Variants in GRIP1 observed in about 807,000 individuals in gnomAD.
GRIP1 encodes glutamate receptor-interacting protein 1.
Under a neutral mutation model 129.9 loss-of-function variants are expected in GRIP1, and 45 were observed. The ratio of observed to expected loss-of-function variants is 0.35; its 90% CI spans 0.27 to 0.44. The LOEUF is 0.44. Among genes scored for constraint, GRIP1 ranks in the 20% least tolerant of loss-of-function variants. The probability of loss-of-function intolerance (pLI) is 1.00; values close to 1 mark genes in which losing one functional copy is unlikely to be tolerated. For missense variants in GRIP1, 1,196 were observed against 1,396.8 expected (o/e 0.86, Z 2.29); for synonymous variants, 530 against 520.8 (o/e 1.02, Z -0.24).
At chr12:66,479,498 G>A (rs545181449) in intron 7 of GRIP1, among the ~76,000 whole-genome samples, 6 of 152,264 alleles carry the variant, frequency 3.9e-5, no homozygotes, top group African/African-American at 1.2e-4. Context: ...GGTACAAAGA[G>A]GAGCTGGTAC....
At chr12:66,647,251 A>T (rs79377294) in intron 1 of GRIP1, 208 of 152,336 alleles carry the variant, frequency 1.4e-3, no homozygotes, top group African/African-American at 4.7e-3. Flanking sequence ...ACTCATTGGT[A>T]TGTGTGGGGC....
rs192894776 is a variant in GRIP1 at position 66,844,222 on chromosome 12, A to T, written c.58+224828T>A. On this transcript the variant is annotated intron_variant, in intron 1 of 1. Coordinates refer to the GRIP1 transcript ENST00000643019. Reference sequence around the variant, plus strand: ...TCAACATCACTACTTATTACCCAGAATATATAAAGAATCCTACAACTCAAC... The same window carrying T: ...TCAACATCACTACTTATTACCCAGATTATATAAAGAATCCTACAACTCAAC... 3.0e-3 allele frequency among the ~76,000 whole-genome samples: 451 copies of T among 152,198 alleles called. 2 individuals are homozygous for T. The highest frequency in any genetic ancestry group is 6.8e-3 in the Middle Eastern group (2 of 294).
intron 1 of GRIP1, among the ~76,000 whole-genome samples, chr12:67,006,470 G>A (rs1555164265): frequency 6.6e-6 from 1 of 152,134 alleles, no homozygotes; most frequent in Non-Finnish European, 1.5e-5. Flanking sequence ...GTGGTATAAA[G>A]GTGTGTAGGG....
intron 15 of GRIP1, among the ~76,000 whole-genome samples, chr12:66,419,411 A>T (rs2057724213): frequency 1.3e-5 from 2 of 152,260 alleles, no homozygotes; most frequent in South Asian, 4.1e-4. Flanking sequence ...TATGGTCAGT[A>T]GTAATTTAAT....
chr12:66,497,289 G>C (rs1330321238), intron 7 of GRIP1, among the ~76,000 whole-genome samples: 2 of 152,188 alleles, frequency 1.3e-5, no homozygotes, highest in East Asian at 3.9e-4. Context: ...AGTAAAACAG[G>C]GAGACCTAAT....
chr12:66,975,965 T>C (rs548140842), intron 1 of GRIP1, among the ~76,000 whole-genome samples: 1 of 152,262 alleles, frequency 6.6e-6, no homozygotes, highest in Non-Finnish European at 1.5e-5. Context: ...TCATAAAAAT[T>C]TGTTGTGATT....
At chr12:66,578,043 G>A (rs1387639077) in intron 2 of GRIP1, among the ~76,000 whole-genome samples, 4 of 152,166 alleles carry the variant, frequency 2.6e-5, no homozygotes, top group East Asian at 3.9e-4. Flanking sequence ...CTGCAATCCA[G>A]GAAAACAATT....
chr12:66,503,415 T>C (rs2060444333), intron 7 of GRIP1, among the ~76,000 whole-genome samples: 1 of 152,092 alleles, frequency 6.6e-6, no homozygotes, highest in East Asian at 1.9e-4. Flanking sequence ...GGGAAAGAGG[T>C]GCAAGATGCT....
At chr12:66,777,667 G>T (rs2038024523) in intron 1 of GRIP1, among the ~76,000 whole-genome samples, 1 of 152,148 alleles carries the variant, frequency 6.6e-6, no homozygotes, top group South Asian at 2.1e-4. Context: ...ATAAGCATTT[G>T]TTGAATTGAA....
chr12:66,989,935 G>A (rs1235449542), intron 1 of GRIP1, among the ~76,000 whole-genome samples: 3 of 152,176 alleles, frequency 2.0e-5, no homozygotes, highest in African/African-American at 7.2e-5. Flanking sequence ...AAGGAAAAAT[G>A]ATAATATTAC....
At chr12:66,387,443 C>G (rs2056404276) in intron 19 of GRIP1, among the ~76,000 whole-genome samples, 2 of 152,188 alleles carry the variant, frequency 1.3e-5, no homozygotes, top group African/African-American at 4.8e-5. Context: ...GAAACAGAGC[C>G]TCTAGCAGCT....
At chr12:66,555,265 C>T (rs1426943875) in intron 2 of GRIP1, among the ~76,000 whole-genome samples, 6 of 152,150 alleles carry the variant, frequency 3.9e-5, no homozygotes. Context: ...ACCTAGTAAT[C>T]CAGATAATTT....
intron 7 of GRIP1, among the ~76,000 whole-genome samples, chr12:66,475,348 A>G (rs2059572465): frequency 6.6e-6 from 1 of 152,200 alleles, no homozygotes; most frequent in Non-Finnish European, 1.5e-5. Flanking sequence ...AGAGACCTAC[A>G]AAGAGACTTA....
intron 4 of GRIP1, among the ~76,000 whole-genome samples, chr12:66,534,029 G>T (rs1323903800): frequency 6.6e-6 from 1 of 152,122 alleles, no homozygotes; most frequent in African/African-American, 2.4e-5. Context: ...TGGACCTTCA[G>T]GTGTGGATGG....
intron 1 of GRIP1, among the ~76,000 whole-genome samples, chr12:66,801,773 T>C (rs2038864990): frequency 6.6e-6 from 1 of 152,146 alleles, no homozygotes; most frequent in South Asian, 2.1e-4. Flanking sequence ...GTAAACACTC[T>C]AGGGAGAAAA....
intron 1 of GRIP1, among the ~76,000 whole-genome samples, chr12:66,960,277 G>C (rs2041903652): frequency 6.6e-6 from 1 of 152,262 alleles, no homozygotes; most frequent in South Asian, 2.1e-4. Flanking sequence ...ATTAGATGAT[G>C]ATGGTTTGAC....
At chr12:66,977,017 T>C (rs536019694) in intron 1 of GRIP1, among the ~76,000 whole-genome samples, 17 of 152,282 alleles carry the variant, frequency 1.1e-4, no homozygotes, top group African/African-American at 4.1e-4. Context: ...TGGTCCCCGC[T>C]GAGGCCTTTG....
At chr12:66,642,061 G>A (rs373709862) in intron 1 of GRIP1, among the ~76,000 whole-genome samples, 5 of 152,146 alleles carry the variant, frequency 3.3e-5, no homozygotes, top group East Asian at 1.9e-4. Flanking sequence ...GAGCTTGGAC[G>A]ACCTTATCAG....
intron 1 of GRIP1, among the ~76,000 whole-genome samples, chr12:67,012,203 C>T (rs2042718976): frequency 6.6e-6 from 1 of 152,136 alleles, no homozygotes; most frequent in Non-Finnish European, 1.5e-5. Flanking sequence ...TTGTATTCAT[C>T]ATAAGGAAAG....
Sources: gnomAD v4.1 joint callset for allele counts (sites outside exome capture counted in the v4.1 genomes callset) on GRCh38, gnomAD v4.1.1 for gene constraint, MANE v1.5 for transcripts, NCBI Gene and HGNC (gene_info 2026-07-23, HGNC 2026-07-21) for gene names.